DNAJC13: variants seen among roughly 807,000 people sequenced by gnomAD.
The protein encoded by DNAJC13 is dnaJ homolog subfamily C member 13.
Under a neutral mutation model 290.5 loss-of-function variants are expected in DNAJC13, and 75 were observed. The observed-to-expected ratio is 0.26, with a 90% confidence interval of 0.21 to 0.31. DNAJC13 has a LOEUF of 0.31. DNAJC13 is among the 10% of genes least tolerant of loss of function. The pLI, the probability that DNAJC13 is intolerant of heterozygous loss-of-function variation, is 1.00. For missense variants in DNAJC13, 2,260 were observed against 2,674.5 expected (o/e 0.85, Z 3.42); for synonymous variants, 862 against 892.0 (o/e 0.97, Z 0.60).
chr3:132,496,422 T>C (rs1935235375), intron 35 of DNAJC13, 106 bp from the exon 36 acceptor site: 1 of 1,093,540 alleles, frequency 9.1e-7, no homozygotes, highest in Non-Finnish European at 1.3e-6. Flanking sequence ...ATATAAACAA[T>C]AAAATAATAG....
chr3:132,472,559 C>G, intron 20 of DNAJC13: 1 of 985,300 alleles, frequency 1.0e-6, no homozygotes, highest in Non-Finnish European at 1.2e-6. Context: ...AAATTCAGGA[C>G]AAAAACAATA....
intron 1 of DNAJC13, among the ~76,000 whole-genome samples, chr3:132,433,086 A>C (rs949072595): frequency 6.6e-6 from 1 of 152,248 alleles, no homozygotes; most frequent in Non-Finnish European, 1.5e-5. Flanking sequence ...TAAGCAGTAC[A>C]AATGGCAATC....
At chr3:132,431,437 C>A (rs1416570757) in intron 1 of DNAJC13, among the ~76,000 whole-genome samples, 4 of 151,830 alleles carry the variant, frequency 2.6e-5, no homozygotes, top group African/African-American at 9.7e-5. Context: ...TGTTTAGGGT[C>A]GGCATCATTG....
intron 44 of DNAJC13, among the ~76,000 whole-genome samples, chr3:132,511,819 A>G (rs1935786479): frequency 6.6e-6 from 1 of 152,190 alleles, no homozygotes; most frequent in African/African-American, 2.4e-5. Context: ...TTAGATAATA[A>G]ATATAGAACA....
Position 132,484,667 on chromosome 3 carries a change from A to G in DNAJC13, c.3262A>G (p.Ile1088Val). Residue 1088 changes from isoleucine to valine, a missense_variant, in exon 29 of 56, where the codon ATT becomes GTT. Physicochemically the swap from Ile to Val is conservative, Grantham distance 29 (BLOSUM62 3). Around this residue, in one of 3 missense-constraint regions of DNAJC13, gnomAD observed 1,494 missense variants for 1,693.7 expected, o/e 0.88. Transcript: ENST00000260818. ...AGATAGCACTTGCCTTCCCCATATT[A>G]TTCAGGTGAGTTATGTAATCAAACT... The part of the protein sequence containing the change: ...LSDSTCLPHI[I>V]QLLLTFDPIL... 3 of 1,613,284 alleles carry G rather than the reference A, an allele frequency of 1.9e-6. No homozygotes were observed. The South Asian group carries it at 3.3e-5, about 18-fold the overall frequency.
intron 31 of DNAJC13, among the ~76,000 whole-genome samples, chr3:132,490,434 A>T (rs1401555590): frequency 6.6e-6 from 1 of 152,216 alleles, no homozygotes; most frequent in African/African-American, 2.4e-5. Context: ...GAAATTCTCC[A>T]TCTAAATCCT....
intron 46 of DNAJC13, 139 bp from the exon 47 acceptor site, chr3:132,516,283 C>A: frequency 1.3e-6 from 1 of 770,918 alleles, no homozygotes; most frequent in Non-Finnish European, 2.1e-6. Flanking sequence ...CATGAAAATA[C>A]CTGTCTCACT....
rs1935355045 is a variant in DNAJC13 at position 132,499,806 on chromosome 3, C to CA, written c.4415dup (p.Val1473GlyfsTer7). 6.2e-7 allele frequency: 1 copy of CA among 1,613,504 alleles called. No homozygotes were observed. Among genetic ancestry groups the CA allele is most frequent in the South Asian group, 1.1e-5 (1 of 90,986 alleles). On this transcript the variant is annotated frameshift_variant and splice_region_variant, in exon 38 of 56. Transcript: ENST00000260818. LOFTEE classifies it high-confidence loss of function. ...TAGTAAACCAAGTGACATGTCAGTA[C>CA]AGGTGAGGCTAAAACCTGTGGTTCC...
chr3:132,499,073 C>T, intron 36 of DNAJC13, 53 bp from the exon 37 acceptor site: 1 of 1,447,552 alleles, frequency 6.9e-7, no homozygotes, highest in Non-Finnish European at 9.4e-7. Flanking sequence ...ATTGAAACCA[C>T]AACATAATCA....
intron 52 of DNAJC13, 51 bp downstream of exon 52, chr3:132,525,840 TC>T (rs1341424060): frequency 6.4e-7 from 1 of 1,571,432 alleles, no homozygotes; most frequent in South Asian, 1.2e-5. Flanking sequence ...TTATCTATGC[TC>T]CCTTCTTGAC....
At chr3:132,462,863 A>G (rs889578640) in intron 16 of DNAJC13, among the ~76,000 whole-genome samples, 2 of 152,220 alleles carry the variant, frequency 1.3e-5, no homozygotes, top group African/African-American at 4.8e-5. Flanking sequence ...GCTTGTATAG[A>G]AATCTATTGA....
rs780946048 is a variant in DNAJC13, at chr3:132,503,196, T to TA, written c.4717-16dup. 8 of 1,611,300 alleles carry TA rather than the reference T, an allele frequency of 5.0e-6. No individual in the cohort carries two copies. The highest frequency in any genetic ancestry group is 5.9e-6 in the Non-Finnish European group (7 of 1,178,772). ...AGATAACAGATCTACTTTAACAACT[T>TA]AATTTTTTTTATAACAGGAGGTAGC... On this transcript the variant is annotated splice_polypyrimidine_tract_variant and intron_variant, in intron 40 of 55. Coordinates refer to ENST00000260818, the MANE Select transcript of DNAJC13 (RefSeq NM_015268.4).
At chr3:132,509,845 A>G (rs776314779) in intron 43 of DNAJC13, among the ~76,000 whole-genome samples, 6 of 152,224 alleles carry the variant, frequency 3.9e-5, no homozygotes, top group Non-Finnish European at 8.8e-5. Flanking sequence ...TACACTTAAT[A>G]GACCACAGTA....
chr3:132,443,788 G>C (rs1168312828), intron 2 of DNAJC13, among the ~76,000 whole-genome samples: 1 of 152,054 alleles, frequency 6.6e-6, no homozygotes, highest in Non-Finnish European at 1.5e-5. Context: ...AGCTTTCTTA[G>C]GATGGCTTAA....
chr3:132,473,207 T>C lies in DNAJC13; in HGVS notation c.2271T>C (p.Asn757=). 2 of 1,607,750 alleles carry C rather than the reference T, an allele frequency of 1.2e-6. No individual in the cohort carries two copies. The highest frequency in any genetic ancestry group is 1.1e-5 in the South Asian group (1 of 90,070). ...GACAAAGAATAAAAATAGAAGCAAA[T>C]TGGGATCTCTTCTATTATAGGTAAA... ...KRRQRIKIEA[N]WDLFYYRFGQ... Residue 757 remains asparagine, a synonymous_variant, in exon 21 of 56, where the codon AAT becomes AAC. Coordinates refer to ENST00000260818, the MANE Select transcript of DNAJC13 (RefSeq NM_015268.4).
chr3:132,420,186 A>G (rs1359845781), intron 1 of DNAJC13, among the ~76,000 whole-genome samples: 1 of 152,218 alleles, frequency 6.6e-6, no homozygotes, highest in Non-Finnish European at 1.5e-5. Context: ...CTTATCCACA[A>G]ACCTCCCTGG....
chr3:132,491,195 T>C (rs1935048834), intron 32 of DNAJC13, 144 bp downstream of exon 32: 2 of 766,532 alleles, frequency 2.6e-6, no homozygotes, highest in South Asian at 2.3e-5. Flanking sequence ...AATCAAATGA[T>C]GGATTTTGAT....
At position 132,474,603 on chromosome 3, in the gene DNAJC13, GT is replaced by G. The variant is rs534235378; in HGVS notation, c.2292-318del. ...AAACATTGAAGTTGAAATATCAGGT[GT>G]TTTTTTTTTTAATTCACACAGATTT... On this transcript the variant is annotated intron_variant, in intron 21 of 55. Transcript: ENST00000260818. Among the ~76,000 whole-genome samples the G allele has an allele frequency of 1.1e-3, 164 of 144,428 alleles. 1 individual carries two copies. The highest frequency in any genetic ancestry group is 0.011 in the Middle Eastern group (3 of 280). The allele number at this position is 144,428 out of a possible 152,430, so 94.8% of individuals were successfully genotyped here.
chr3:132,533,165 C>T (rs1450940990), intron 55 of DNAJC13, among the ~76,000 whole-genome samples: 1 of 150,020 alleles, frequency 6.7e-6, no homozygotes, highest in African/African-American at 2.5e-5. Context: ...AAGCCATTCT[C>T]CTGCCTCAGC....
Sources: gnomAD v4.1 joint callset for allele counts (sites outside exome capture counted in the v4.1 genomes callset) on GRCh38, gnomAD v4.1.1 for gene constraint, gnomAD v4.1.1 regional missense constraint, MANE v1.5 for transcripts, NCBI Gene and HGNC (gene_info 2026-07-23, HGNC 2026-07-21) for gene names.